Variants in RNGTT observed in about 807,000 individuals in gnomAD.
The protein encoded by RNGTT is mRNA-capping enzyme.
A neutral mutation model predicts 79.3 loss-of-function variants in RNGTT; 33 were observed. The observed-to-expected ratio is 0.42, with a 90% CI of 0.32 to 0.56. RNGTT has a LOEUF of 0.56. Ranked by LOEUF, RNGTT falls within the 20% of genes least tolerant of loss-of-function variation. The pLI, the probability that RNGTT is intolerant of heterozygous loss-of-function variation, is 0.17. For synonymous variants in RNGTT, 222 were observed against 235.9 expected (o/e 0.94, Z 0.54); for missense variants, 497 against 739.1 (o/e 0.67, Z 3.80).
rs911606255 is a variant in RNGTT, at chr6:88,828,405, C to T, written c.1269+15952G>A. Among the ~76,000 whole-genome samples, 60 of 152,058 alleles carry T rather than the reference C, an allele frequency of 3.9e-4. 1 individual carries two copies. Among genetic ancestry groups the T allele is most frequent in the Admixed American group, 3.9e-3 (60 of 15,268 alleles). ...TCCGAAGGTCACCAACATCAAAGAC[C>T]AAAGGTAGATAAATGCACAAAGATG... On this transcript the variant is annotated intron_variant, in intron 11 of 15. Coordinates refer to ENST00000369485, the MANE Select transcript of RNGTT (RefSeq NM_003800.5).
chr6:88,612,841 G>A lies in RNGTT; in HGVS notation c.1672C>T (p.Leu558=). ...GTACATCTGTCGATGAACTCAAACA[G>A]CATCTCCTTGGTGACAGGGTTTGAG... is the stretch of plus-strand genomic sequence containing the variant. ...SISNPVTKEM[L]FEFIDRCTAA... Residue 558 remains leucine (L), a synonymous_variant, in exon 16 of 16, where the codon CTG becomes TTG. Coordinates refer to ENST00000369485, the MANE Select transcript of RNGTT (RefSeq NM_003800.5). 6.2e-7 allele frequency: 1 copy of A among 1,613,824 alleles called. No homozygotes were observed. Among genetic ancestry groups the A allele is most frequent in the Non-Finnish European group, 8.5e-7 (1 of 1,179,938 alleles).
At chr6:88,822,813 A>C (rs957597044) in intron 11 of RNGTT, among the ~76,000 whole-genome samples, 4 of 152,214 alleles carry the variant, frequency 2.6e-5, no homozygotes, top group African/African-American at 7.2e-5. Context: ...TAATACAGTG[A>C]TTTAATTTTT....
chr6:88,826,095 T>G (rs1472536133), intron 11 of RNGTT, among the ~76,000 whole-genome samples: 2 of 152,188 alleles, frequency 1.3e-5, no homozygotes, highest in Admixed American at 6.5e-5. Flanking sequence ...TATCTTACAA[T>G]GACAAATCAC....
intron 12 of RNGTT, among the ~76,000 whole-genome samples, chr6:88,791,900 CTCTAAAAA>C (rs1346437383): frequency 6.6e-6 from 1 of 152,028 alleles, no homozygotes; most frequent in Non-Finnish European, 1.5e-5. Context: ...AAATAGTTCA[CTCTAAAAA>C]TCTAAAAAAT....
At chr6:88,663,571 G>A (rs572978919) in intron 14 of RNGTT, among the ~76,000 whole-genome samples, 13 of 152,230 alleles carry the variant, frequency 8.5e-5, no homozygotes, top group East Asian at 5.8e-4. Flanking sequence ...GGTTCTGTCC[G>A]ACCCCACATC....
At chr6:88,791,636 T>C (rs1472203198) in intron 12 of RNGTT, among the ~76,000 whole-genome samples, 1 of 152,046 alleles carries the variant, frequency 6.6e-6, no homozygotes, top group Non-Finnish European at 1.5e-5. Context: ...GCCTCCTGGG[T>C]TAACGCCATT....
intron 4 of RNGTT, among the ~76,000 whole-genome samples, chr6:88,907,201 T>C (rs1783680870): frequency 6.6e-6 from 1 of 152,232 alleles, no homozygotes; most frequent in Non-Finnish European, 1.5e-5. Flanking sequence ...CTGATATGGT[T>C]TGGCTCTGTG....
At chr6:88,910,500 C>T (rs980938085) in intron 4 of RNGTT, among the ~76,000 whole-genome samples, 5 of 152,112 alleles carry the variant, frequency 3.3e-5, no homozygotes, top group African/African-American at 1.2e-4. Flanking sequence ...AATAGGATTA[C>T]ATAAAGTGAC....
intron 13 of RNGTT, among the ~76,000 whole-genome samples, chr6:88,767,017 AG>A (rs1778484456): frequency 6.6e-6 from 1 of 152,164 alleles, no homozygotes; most frequent in Non-Finnish European, 1.5e-5. Context: ...TCATTTATTC[AG>A]TAAAGACTGC....
chr6:88,759,879 G>A (rs921695624), intron 13 of RNGTT, among the ~76,000 whole-genome samples: 3 of 152,066 alleles, frequency 2.0e-5, no homozygotes, highest in Non-Finnish European at 4.4e-5. Context: ...CAACTTCAAT[G>A]TGATTCAAAG....
intron 1 of RNGTT, among the ~76,000 whole-genome samples, chr6:88,955,469 G>C (rs1384866095): frequency 6.8e-6 from 1 of 147,786 alleles, no homozygotes; most frequent in Non-Finnish European, 1.5e-5. Flanking sequence ...AGAATCGCTT[G>C]AACAGAAGAG....
chr6:88,618,474 A>T (rs145205964), intron 14 of RNGTT, among the ~76,000 whole-genome samples: 90 of 152,316 alleles, frequency 5.9e-4, no homozygotes, highest in African/African-American at 2.0e-3. Context: ...AGCCAATTAC[A>T]TATTATTATT....
chr6:88,839,466 A>G (rs1283497053), intron 11 of RNGTT, among the ~76,000 whole-genome samples: 1 of 152,090 alleles, frequency 6.6e-6, no homozygotes, highest in African/African-American at 2.4e-5. Context: ...GCTATTCAGG[A>G]GGCTGAGTTG....
chr6:88,702,832 AG>A (rs1775991613), intron 13 of RNGTT, among the ~76,000 whole-genome samples: 1 of 152,342 alleles, frequency 6.6e-6, no homozygotes, highest in East Asian at 1.9e-4. Flanking sequence ...GGAATCTATC[AG>A]TAACTGAAAC....
intron 14 of RNGTT, among the ~76,000 whole-genome samples, chr6:88,642,535 T>C (rs984097087): frequency 2.0e-5 from 3 of 152,214 alleles, no homozygotes; most frequent in African/African-American, 7.2e-5. Flanking sequence ...CACTCTTGCA[T>C]GTGCTGGCTC....
chr6:88,811,032 T>C (rs894294262), intron 11 of RNGTT, among the ~76,000 whole-genome samples: 2 of 152,236 alleles, frequency 1.3e-5, no homozygotes, highest in African/African-American at 4.8e-5. Flanking sequence ...TTTCTCCTTG[T>C]CAATCTTTCT....
intron 8 of RNGTT, among the ~76,000 whole-genome samples, chr6:88,888,092 A>T (rs1463001510): frequency 2.0e-5 from 3 of 152,152 alleles, no homozygotes; most frequent in Non-Finnish European, 4.4e-5. Flanking sequence ...ACTCTAGCCT[A>T]GGCAACAGAG....
intron 8 of RNGTT, among the ~76,000 whole-genome samples, chr6:88,855,559 AT>A (rs1296287808): frequency 6.6e-6 from 1 of 152,050 alleles, no homozygotes; most frequent in Non-Finnish European, 1.5e-5. Flanking sequence ...ATAGAAAAAA[AT>A]TTTTTTAAAG....
intron 1 of RNGTT, 51 bp downstream of exon 1, chr6:88,963,295 C>G (rs992287673): frequency 3.8e-6 from 6 of 1,597,782 alleles, no homozygotes; most frequent in Non-Finnish European, 5.1e-6. Flanking sequence ...GTCGGCCCAC[C>G]CCCGGGCACG....
Sources: allele counts gnomAD v4.1 joint callset (sites outside exome capture counted in the v4.1 genomes callset), GRCh38; gene constraint gnomAD v4.1.1; transcripts MANE v1.5; gene names NCBI Gene and HGNC (gene_info 2026-07-23, HGNC 2026-07-21).